The following SLC22A23 variants were observed in gnomAD, a reference collection of about 807,000 sequenced individuals.
The protein encoded by SLC22A23 is solute carrier family 22 member 23.
Under a neutral mutation model 61.0 loss-of-function variants are expected in SLC22A23, and 26 were observed. The ratio of observed to expected loss-of-function variants is 0.43; its 90% confidence interval spans 0.31 to 0.59. SLC22A23 has a LOEUF of 0.59. SLC22A23 is among the 20% of genes least tolerant of loss of function. The pLI is 0.11. For missense variants in SLC22A23, 796 were observed against 934.7 expected (o/e 0.85, Z 1.94); for synonymous variants, 430 against 413.9 (o/e 1.04, Z -0.47).
chr6:3,307,830 A>T (rs1165547914), intron 4 of SLC22A23, among the ~76,000 whole-genome samples: 2 of 152,246 alleles, frequency 1.3e-5, no homozygotes, highest in Non-Finnish European at 2.9e-5. Flanking sequence ...CTAAAATATT[A>T]CAGATTCCAT....
At chr6:3,398,436 G>A (rs1768157300) in intron 3 of SLC22A23, among the ~76,000 whole-genome samples, 1 of 149,226 alleles carries the variant, frequency 6.7e-6, no homozygotes, top group Non-Finnish European at 1.5e-5. Context: ...AGCCAACTCT[G>A]CTTGGATACA....
At chr6:3,429,219 A>G (rs939258543) in intron 1 of SLC22A23, among the ~76,000 whole-genome samples, 1 of 152,230 alleles carries the variant, frequency 6.6e-6, no homozygotes, top group African/African-American at 2.4e-5. Context: ...GTGCACATCA[A>G]TGGATGTTCA....
At chr6:3,325,934 A>T (rs1350824066) in intron 3 of SLC22A23, among the ~76,000 whole-genome samples, 3 of 152,244 alleles carry the variant, frequency 2.0e-5, no homozygotes, top group African/African-American at 7.2e-5. Context: ...CAGCAGACAT[A>T]TATTGCTTGC....
chr6:3,382,791 A>G (rs1230108020), intron 3 of SLC22A23, among the ~76,000 whole-genome samples: 1 of 152,252 alleles, frequency 6.6e-6, no homozygotes, highest in African/African-American at 2.4e-5. Flanking sequence ...TTACAGAAAA[A>G]GTTTGTTGAG....
chr6:3,310,416 C>CCTGTCCCCCAGGGAGCACCCTGT (rs1762306831), intron 4 of SLC22A23, among the ~76,000 whole-genome samples: 1 of 115,428 alleles, frequency 8.7e-6, no homozygotes, highest in African/African-American at 3.8e-5. Context: ...ACTCAAGCAC[C>CCTGTCCCCCAGGGAGCACCCTGT]CTGTCTCCCA....
Position 3,410,697 on chromosome 6 carries a change from C to A in SLC22A23, c.759-355G>T, listed in dbSNP as rs367690663. On this transcript the variant is annotated intron_variant, in intron 2 of 9. Coordinates refer to ENST00000406686, the MANE Select transcript of SLC22A23 (RefSeq NM_015482.2). This position sits in a 1 kb window ranked among gnomAD's most constrained non-coding sequence, Gnocchi z 5.0. ...TCTCCAAACAGGAACCTTGATACAC[C>A]CAGCATAAAAAGTCTTGAGAAATCG... is the stretch of plus-strand genomic sequence containing the variant. Among the ~76,000 whole-genome samples the A allele has an allele frequency of 3.9e-5, 6 of 152,140 alleles. No individual in the cohort carries two copies. The East Asian group carries it at 1.2e-3, about 29-fold the overall frequency.
intron 3 of SLC22A23, among the ~76,000 whole-genome samples, chr6:3,408,834 C>T (rs1769001874): frequency 6.6e-6 from 1 of 152,210 alleles, no homozygotes; most frequent in African/African-American, 2.4e-5. Context: ...CTGGACTGCC[C>T]TCCCCCTGTG....
chr6:3,279,882 A>G (rs896406356), intron 9 of SLC22A23, among the ~76,000 whole-genome samples: 11 of 152,302 alleles, frequency 7.2e-5, no homozygotes, highest in East Asian at 3.9e-4. Flanking sequence ...TAGGATCTCA[A>G]TAAGGTAGGA....
rs908371432 is a variant in SLC22A23, at chr6:3,329,561, C to T, written c.914-5559G>A. Among the ~76,000 whole-genome samples, 3 of 152,176 alleles carry T rather than the reference C, an allele frequency of 2.0e-5. No homozygotes were observed. Among genetic ancestry groups the T allele is most frequent in the African/African-American group, 4.8e-5 (2 of 41,428 alleles). ...CATGCAGGGTATGGGATGAGGCGCCCGCTCTGGCCTAGAGGTGGGGGTTAG... is the reference window on the plus strand; with the variant it reads ...CATGCAGGGTATGGGATGAGGCGCCTGCTCTGGCCTAGAGGTGGGGGTTAG... On this transcript the variant is annotated intron_variant, in intron 3 of 9. Coordinates refer to ENST00000406686, the MANE Select transcript of SLC22A23 (RefSeq NM_015482.2). This position sits in a 1 kb window ranked among gnomAD's most constrained non-coding sequence, Gnocchi z 4.8.
At chr6:3,325,715 T>G (rs1449338888) in intron 3 of SLC22A23, among the ~76,000 whole-genome samples, 1 of 152,222 alleles carries the variant, frequency 6.6e-6, no homozygotes, top group Non-Finnish European at 1.5e-5. Flanking sequence ...TTGTAGGTCT[T>G]GTTTTCATTT....
chr6:3,384,938 T>C (rs1232894472), intron 3 of SLC22A23, among the ~76,000 whole-genome samples: 1 of 152,220 alleles, frequency 6.6e-6, no homozygotes, highest in South Asian at 2.1e-4. Context: ...TGCTGCAACA[T>C]GTCTGAACAT....
At chr6:3,397,989 G>A (rs1348631075) in intron 3 of SLC22A23, among the ~76,000 whole-genome samples, 1 of 152,258 alleles carries the variant, frequency 6.6e-6, no homozygotes. Flanking sequence ...CCCATGTAGT[G>A]AGGGTAGTCA....
rs17136449 is a variant in SLC22A23, at chr6:3,348,922, T to C, written c.914-24920A>G. The stretch of plus-strand genomic sequence containing the variant: ...CTCAGAGGAGAGTCAACTGGTACTG[T>C]CTTCCCTTCCAACTGTCTCTCCAGC... On this transcript the variant is annotated intron_variant, in intron 3 of 9. Coordinates refer to ENST00000406686, the MANE Select transcript of SLC22A23 (RefSeq NM_015482.2). Among the ~76,000 whole-genome samples the C allele has an allele frequency of 2.8e-3, 434 of 152,342 alleles. 7 individuals are homozygous for C. Among genetic ancestry groups the C allele is most frequent in the South Asian group, 8.5e-3 (41 of 4,826 alleles).
chr6:3,351,359 G>T (rs1764757203), intron 3 of SLC22A23, among the ~76,000 whole-genome samples: 1 of 152,180 alleles, frequency 6.6e-6, no homozygotes, highest in African/African-American at 2.4e-5. Context: ...AAACGAAGGG[G>T]CGAAGGAAAA....
chr6:3,363,054 G>GC (rs1268404365), intron 3 of SLC22A23, among the ~76,000 whole-genome samples: 8 of 152,184 alleles, frequency 5.3e-5, no homozygotes, highest in Non-Finnish European at 8.8e-5. Context: ...ACATCCCGCA[G>GC]CCCACTGCCT....
In SLC22A23 at chr6:3,275,938, T is replaced by A. The variant is rs993721482; in HGVS notation, c.1704-2526A>T. Among the ~76,000 whole-genome samples the A allele has an allele frequency of 2.0e-5, 3 of 152,366 alleles. No individual in the cohort carries two copies. The South Asian group carries it at 6.2e-4, about 32-fold the overall frequency. On this transcript the variant is annotated intron_variant, in intron 9 of 9. Transcript: ENST00000406686. ...AAAAAGATGGGCAGGCCAGACACAG[T>A]GGCTCATGCCCAAAGAGGCTTGGGC...
chr6:3,290,182 C>T, intron 5 of SLC22A23: 2 of 423,282 alleles, frequency 4.7e-6, no homozygotes, highest in South Asian at 4.3e-5. Flanking sequence ...CGACTCAGTT[C>T]ACTTTTGTCT....
Position 3,324,614 on chromosome 6 carries a change from A to C in SLC22A23, c.914-612T>G, listed in dbSNP as rs1330090896. Among the ~76,000 whole-genome samples the C allele has an allele frequency of 1.3e-5, 2 of 152,116 alleles. No homozygotes were observed. Among genetic ancestry groups the C allele is most frequent in the Non-Finnish European group, 2.9e-5 (2 of 68,032 alleles). ...TATCTATTAAACAAGACAAAAACCA[A>C]CAATAAGGCTGACTCAGATCATATA... On this transcript the variant is annotated intron_variant, in intron 3 of 9. Coordinates refer to ENST00000406686, the MANE Select transcript of SLC22A23 (RefSeq NM_015482.2). This position sits in a 1 kb window ranked among gnomAD's most constrained non-coding sequence, Gnocchi z 4.3.
In SLC22A23 at chr6:3,280,512, T is replaced by TTTTTTTTCC. The variant is rs781526188; in HGVS notation, c.1703+3339_1703+3340insGGAAAAAAA. Among the ~76,000 whole-genome samples the TTTTTTTTCC allele has an allele frequency of 2.1e-4, 21 of 98,316 alleles. 1 individual carries two copies. Among genetic ancestry groups the TTTTTTTTCC allele is most frequent in the Non-Finnish European group, 3.4e-4 (17 of 49,774 alleles). The allele number at this position is 98,316 out of a possible 152,430, so 64.5% of individuals were successfully genotyped here. ...CAACTTTTTTTTTTTTTTTTTTTTT[T>TTTTTTTTCC]TGAGATGGAGTCTCGCTCTGTCGCC... On this transcript the variant is annotated intron_variant, in intron 9 of 9. Coordinates refer to ENST00000406686, the MANE Select transcript of SLC22A23 (RefSeq NM_015482.2).
Sources: gnomAD v4.1 joint callset for allele counts (sites outside exome capture counted in the v4.1 genomes callset) on GRCh38, gnomAD v4.1.1 for gene constraint, Gnocchi (gnomAD v3.1) non-coding constraint, MANE v1.5 for transcripts, NCBI Gene and HGNC (gene_info 2026-07-23, HGNC 2026-07-21) for gene names.